The following ADGRL3 variants were observed in gnomAD, a reference collection of about 807,000 sequenced individuals.
The protein encoded by ADGRL3 is adhesion G protein-coupled receptor L3.
In ADGRL3, 62 loss-of-function variants were observed where a neutral mutation model predicts 153.5. The observed-to-expected ratio is 0.40, with a 90% CI of 0.33 to 0.50. ADGRL3 has a LOEUF of 0.50. Among genes scored for constraint, ADGRL3 ranks in the 20% least tolerant of loss-of-function variants. ADGRL3 has a pLI of 0.47. For synonymous variants in ADGRL3, 710 were observed against 672.5 expected (o/e 1.06, Z -0.86); for missense variants, 1,641 against 1,859.4 (o/e 0.88, Z 2.16).
chr4:61,517,523 G>GC lies in ADGRL3; in HGVS notation c.259+5_259+6insC. The GC allele has an allele frequency of 1.4e-6, 1 of 704,252 alleles. No individual in the cohort carries two copies. Among genetic ancestry groups the GC allele is most frequent in the Non-Finnish European group, 2.6e-6 (1 of 387,488 alleles). 43.6% of individuals were successfully genotyped at this position (704,252 alleles called of 1,614,324 possible). A position where few individuals can be genotyped will look rare whatever the true frequency, so the allele number is the denominator to read the frequency against. Reference sequence around the variant, plus strand: ...GAGCACAGATTGCAGCGCAAGGTGCGGCCAGCGGTGGGGAGAGAGGGCTGG... The same window carrying GC: ...GAGCACAGATTGCAGCGCAAGGTGCGCGCCAGCGGTGGGGAGAGAGGGCTGG... On this transcript the variant is annotated splice_donor_region_variant and intron_variant, in intron 4 of 26. Transcript: ENST00000683033.
chr4:61,688,598 G>A (rs1319473245), intron 6 of ADGRL3, among the ~76,000 whole-genome samples: 1 of 152,082 alleles, frequency 6.6e-6, no homozygotes, highest in Non-Finnish European at 1.5e-5. Flanking sequence ...TACACCTATT[G>A]CATGCCACTC....
At chr4:61,444,562 TA>T (rs961022056) in intron 2 of ADGRL3, among the ~76,000 whole-genome samples, 89 of 151,746 alleles carry the variant, frequency 5.9e-4, no homozygotes, top group African/African-American at 1.8e-3. Flanking sequence ...ATCATCCACT[TA>T]AAAAAAAATT....
At chr4:61,632,257 G>C (rs1308690184) in intron 5 of ADGRL3, among the ~76,000 whole-genome samples, 1 of 152,028 alleles carries the variant, frequency 6.6e-6, no homozygotes, top group Non-Finnish European at 1.5e-5. Flanking sequence ...AATTTTTAAG[G>C]TTGCAATAAT....
chr4:61,674,500 G>A (rs1270623381), intron 5 of ADGRL3, among the ~76,000 whole-genome samples: 1 of 151,646 alleles, frequency 6.6e-6, no homozygotes, highest in Non-Finnish European at 1.5e-5. Context: ...GGAATAAAAT[G>A]ACTATAGACC....
chr4:61,817,422 AC>A (rs2097701048), intron 9 of ADGRL3, among the ~76,000 whole-genome samples: 1 of 151,568 alleles, frequency 6.6e-6, no homozygotes, highest in Admixed American at 6.6e-5. Context: ...GCCCATAAAA[AC>A]CCCAGACTCA....
Position 61,847,811 on chromosome 4 carries a change from TTA to T in ADGRL3, c.1480+33933_1480+33934del, listed in dbSNP as rs1336135273. ...TATTATATATATAATATAAAATATA[TTA>T]TATATATATAATATAAAATATATAT... On this transcript the variant is annotated intron_variant, in intron 9 of 26. Coordinates refer to ENST00000683033, the MANE Select transcript of ADGRL3 (RefSeq NM_001387552.1). 5.0e-3 allele frequency among the ~76,000 whole-genome samples: 48 copies of T among 9,528 alleles called. 5 individuals are homozygous for T. The highest frequency in any genetic ancestry group is 9.3e-3 in the East Asian group (6 of 648). The allele number at this position is 9,528 out of a possible 152,430, so 6.3% of individuals were successfully genotyped here.
intron 2 of ADGRL3, among the ~76,000 whole-genome samples, chr4:61,430,736 C>T (rs1479547418): frequency 6.6e-6 from 1 of 152,072 alleles, no homozygotes; most frequent in Admixed American, 6.6e-5. Flanking sequence ...CTCATTGCCC[C>T]TTATATAATA....
At chr4:61,543,296 T>C (rs2098699339) in intron 4 of ADGRL3, among the ~76,000 whole-genome samples, 1 of 152,030 alleles carries the variant, frequency 6.6e-6, no homozygotes, top group African/African-American at 2.4e-5. Context: ...ATGGGTTCAT[T>C]GTAATCTCAA....
chr4:61,397,729 TTG>T (rs2096884512), intron 2 of ADGRL3, among the ~76,000 whole-genome samples: 1 of 151,822 alleles, frequency 6.6e-6, no homozygotes. Flanking sequence ...ATAAAAAAAA[TTG>T]TCAGTATTAA....
At chr4:61,963,156 T>A (rs1419783304) in intron 17 of ADGRL3, among the ~76,000 whole-genome samples, 3 of 150,208 alleles carry the variant, frequency 2.0e-5, no homozygotes, top group Non-Finnish European at 4.5e-5. Context: ...CAATATATAT[T>A]TTTTCAATAA....
At chr4:61,270,813 A>G (rs2093130764) in intron 1 of ADGRL3, among the ~76,000 whole-genome samples, 1 of 151,580 alleles carries the variant, frequency 6.6e-6, no homozygotes, top group South Asian at 2.1e-4. Context: ...CAGTTTTTGC[A>G]TTGTCTGTAA....
At chr4:61,834,024 T>G (rs1157227189) in intron 9 of ADGRL3, among the ~76,000 whole-genome samples, 1 of 151,366 alleles carries the variant, frequency 6.6e-6, no homozygotes, top group Non-Finnish European at 1.5e-5. Flanking sequence ...TGCAGGCTAG[T>G]TACATATGTA....
chr4:61,381,837 C>T (rs1365845259), intron 1 of ADGRL3, among the ~76,000 whole-genome samples: 1 of 151,860 alleles, frequency 6.6e-6, no homozygotes, highest in African/African-American at 2.4e-5. Context: ...ATTTGTTTTT[C>T]CTGCCCAAGC....
At chr4:61,972,823 G>A (rs1332948489) in intron 17 of ADGRL3, among the ~76,000 whole-genome samples, 1 of 151,906 alleles carries the variant, frequency 6.6e-6, no homozygotes, top group East Asian at 1.9e-4. Flanking sequence ...TTGTATCGAA[G>A]AGGCAATTTT....
At chr4:61,862,465 G>A (rs997769552) in intron 9 of ADGRL3, among the ~76,000 whole-genome samples, 1 of 152,170 alleles carries the variant, frequency 6.6e-6, no homozygotes. Context: ...TAGTTCAGGA[G>A]AGAAGGAGAT....
intron 1 of ADGRL3, among the ~76,000 whole-genome samples, chr4:61,338,371 A>G (rs992996998): frequency 6.1e-5 from 9 of 148,622 alleles, no homozygotes; most frequent in Admixed American, 2.1e-4. Context: ...AAAAGTTAGT[A>G]TGATTATCAT....
chr4:61,524,403 A>G (rs2098547938), intron 4 of ADGRL3, among the ~76,000 whole-genome samples: 1 of 152,094 alleles, frequency 6.6e-6, no homozygotes, highest in East Asian at 1.9e-4. Flanking sequence ...TTTCATATAT[A>G]CAATTAATTA....
At chr4:61,563,747 C>T (rs936430740) in intron 4 of ADGRL3, among the ~76,000 whole-genome samples, 6 of 152,104 alleles carry the variant, frequency 3.9e-5, no homozygotes, top group Non-Finnish European at 2.9e-5. Context: ...CGGTGGCTCA[C>T]GCCTGTAATC....
At chr4:61,498,969 A>G (rs546125904) in intron 3 of ADGRL3, among the ~76,000 whole-genome samples, 1 of 152,208 alleles carries the variant, frequency 6.6e-6, no homozygotes, top group Non-Finnish European at 1.5e-5. Flanking sequence ...TAGCAAAGAA[A>G]AAAGGACACA....
Sources: gnomAD v4.1 joint callset for allele counts (sites outside exome capture counted in the v4.1 genomes callset) on GRCh38, gnomAD v4.1.1 for gene constraint, MANE v1.5 for transcripts, NCBI Gene and HGNC (gene_info 2026-07-23, HGNC 2026-07-21) for gene names.